ZC3H12B: variants seen among roughly 807,000 people sequenced by gnomAD.
ZC3H12B encodes the protein probable ribonuclease ZC3H12B.
In ZC3H12B, 7 loss-of-function variants were observed where a neutral mutation model predicts 43.9. That is an observed-to-expected ratio of 0.16 (90% CI 0.09 to 0.30). The LOEUF (loss-of-function observed/expected upper bound fraction) is 0.30, where lower values mean the gene tolerates loss of function less well. ZC3H12B is among the 10% of genes least tolerant of loss of function. ZC3H12B has a pLI of 1.00. For synonymous variants in ZC3H12B, 222 were observed against 241.7 expected (o/e 0.92, Z 0.76); for missense variants, 475 against 670.2 (o/e 0.71, Z 3.22).
At chrX:65,282,651 A>T in the ZC3H12B span, among the ~76,000 whole-genome samples, 5 of 111,729 alleles carry the variant, frequency 4.5e-5, no homozygotes, top group Non-Finnish European at 7.5e-5. Context: ...ATCACCACCG[A>T]TCCCAGAGAA....
At chrX:65,315,163 C>G in the ZC3H12B span, among the ~76,000 whole-genome samples, 4 of 110,934 alleles carry the variant, frequency 3.6e-5, no homozygotes, top group Non-Finnish European at 7.6e-5. Flanking sequence ...TTAATTTGTA[C>G]AATTAAATAT....
the ZC3H12B span, among the ~76,000 whole-genome samples, chrX:65,182,393 A>G: frequency 4.5e-5 from 5 of 111,366 alleles, no homozygotes; most frequent in South Asian, 3.7e-4. Context: ...CGTTCTGCAC[A>G]TGTATCCCAG....
chrX:65,415,795 T>A (rs955272898), intron 3 of ZC3H12B, among the ~76,000 whole-genome samples: 4 of 112,415 alleles, frequency 3.6e-5, no homozygotes, highest in Non-Finnish European at 7.5e-5. Flanking sequence ...GAAATTGTGA[T>A]AATATGTACT....
chrX:65,080,575 A>C, the ZC3H12B span, among the ~76,000 whole-genome samples: 1 of 111,481 alleles, frequency 9.0e-6, no homozygotes, highest in Admixed American at 9.5e-5. Context: ...AGAGGGCATG[A>C]TATATTAAAA....
At chrX:65,158,740 G>A in the ZC3H12B span, among the ~76,000 whole-genome samples, 3 of 111,661 alleles carry the variant, frequency 2.7e-5, no homozygotes, top group Non-Finnish European at 3.8e-5. Flanking sequence ...CACTCTGATG[G>A]TAGTTTCTTT....
the ZC3H12B span, among the ~76,000 whole-genome samples, chrX:65,258,069 G>A: frequency 9.0e-6 from 1 of 111,221 alleles, no homozygotes; most frequent in Non-Finnish European, 1.9e-5. Flanking sequence ...CCAAAACCTG[G>A]CAGACACACA....
chrX:65,442,923 G>A (rs746939076), intron 3 of ZC3H12B, among the ~76,000 whole-genome samples: 288 of 111,017 alleles, frequency 2.6e-3, no homozygotes, highest in African/African-American at 8.9e-3. Context: ...GCCATCGCTC[G>A]AGGCGCTGCT....
At chrX:65,279,298 ATT>A in the ZC3H12B span, among the ~76,000 whole-genome samples, 618 of 79,177 alleles carry the variant, frequency 7.8e-3, 3 homozygotes, top group African/African-American at 0.011. Flanking sequence ...CCTTACCAGC[ATT>A]TTTTTTTTTT....
chrX:65,044,319 A>G, the ZC3H12B span, among the ~76,000 whole-genome samples: 2 of 111,405 alleles, frequency 1.8e-5, no homozygotes, highest in African/African-American at 6.5e-5. Flanking sequence ...GGTATGTTCA[A>G]TGAATATCAA....
chrX:65,199,789 T>G, the ZC3H12B span, among the ~76,000 whole-genome samples: 2 of 110,215 alleles, frequency 1.8e-5, no homozygotes, highest in African/African-American at 6.6e-5. Context: ...TTTTTTTTTT[T>G]TTTTGTAGCT....
the ZC3H12B span, among the ~76,000 whole-genome samples, chrX:65,248,298 G>T: frequency 9.0e-6 from 1 of 111,226 alleles, no homozygotes; most frequent in Admixed American, 9.6e-5. Flanking sequence ...CCAAAGTGCT[G>T]GGATTACAGC....
At chrX:65,179,958 T>G in the ZC3H12B span, among the ~76,000 whole-genome samples, 1 of 111,970 alleles carries the variant, frequency 8.9e-6, no homozygotes, top group Non-Finnish European at 1.9e-5. Context: ...ATTCTGAGAC[T>G]ATTTTAAACA....
At chrX:65,120,283 C>T in the ZC3H12B span, among the ~76,000 whole-genome samples, 20 of 111,456 alleles carry the variant, frequency 1.8e-4, no homozygotes, top group African/African-American at 5.5e-4. Flanking sequence ...CCATGAGCAT[C>T]GAATGTTCTT....
the ZC3H12B span, among the ~76,000 whole-genome samples, chrX:65,072,697 C>G: frequency 2.7e-5 from 3 of 112,142 alleles, no homozygotes; most frequent in South Asian, 1.1e-3. Flanking sequence ...TTTCATAGGG[C>G]TGTGGCAGTG....
the ZC3H12B span, among the ~76,000 whole-genome samples, chrX:65,150,332 C>G: frequency 9.0e-6 from 1 of 110,870 alleles, no homozygotes; most frequent in Non-Finnish European, 1.9e-5. Context: ...CCTTCTGGAC[C>G]TTCATATTTG....
chrX:65,326,352 CA>C, the ZC3H12B span, among the ~76,000 whole-genome samples: 1 of 110,754 alleles, frequency 9.0e-6, no homozygotes, highest in Non-Finnish European at 1.9e-5. Context: ...AGAAATTGGC[CA>C]AAAACATGGA....
chrX:65,130,929 T>C, the ZC3H12B span, among the ~76,000 whole-genome samples: 3 of 112,036 alleles, frequency 2.7e-5, no homozygotes, highest in African/African-American at 9.7e-5. Context: ...TGATGGCCCT[T>C]GCAGTGAATG....
At chrX:65,408,084 TG>T in intron 3 of ZC3H12B, 1 of 1,191,706 alleles carries the variant, frequency 8.4e-7, no homozygotes, top group Non-Finnish European at 1.1e-6. Context: ...GCCAGCGCGA[TG>T]TTCCCGCAGA....
the ZC3H12B span, among the ~76,000 whole-genome samples, chrX:65,344,628 T>A: frequency 1.8e-5 from 2 of 112,039 alleles, no homozygotes; most frequent in African/African-American, 6.5e-5. Flanking sequence ...AAAGACAGCC[T>A]CAGCATTACC....
Sources: allele counts gnomAD v4.1 joint callset (sites outside exome capture counted in the v4.1 genomes callset), GRCh38; gene constraint gnomAD v4.1.1; transcripts MANE v1.5; gene names NCBI Gene and HGNC (gene_info 2026-07-23, HGNC 2026-07-21).